CTNNBIP1: variants seen among roughly 807,000 people sequenced by gnomAD.
The protein encoded by CTNNBIP1 is catenin beta interacting protein 1, also known as beta-catenin-interacting protein 1.
In CTNNBIP1, 7 loss-of-function variants were observed where a neutral mutation model predicts 11.8. The ratio of observed to expected loss-of-function variants is 0.60; its 90% CI spans 0.34 to 1.12. CTNNBIP1 has a LOEUF of 1.12. CTNNBIP1 is among the 50% of genes most tolerant of loss of function. CTNNBIP1 has a pLI of 0.03. For missense variants in CTNNBIP1, 101 were observed against 113.4 expected (o/e 0.89, Z 0.50); for synonymous variants, 58 against 43.9 (o/e 1.32, Z -1.26).
chr1:9,854,682 A>AT (rs1295023231), intron 5 of CTNNBIP1, among the ~76,000 whole-genome samples: 2,690 of 148,006 alleles, frequency 0.018, 61 homozygotes, highest in African/African-American at 0.058. Context: ...CTAAAAAAAA[A>AT]TTTTTTTTTT....
At chr1:9,878,041 G>C (rs960440017) in intron 2 of CTNNBIP1, 52 bp from the exon 3 acceptor site, 3 of 152,756 alleles carry the variant, frequency 2.0e-5, no homozygotes, top group Non-Finnish European at 2.9e-5. Flanking sequence ...GGCCCAGGCA[G>C]CTGCCAGGGC....
At chr1:9,875,965 G>A (rs563636797) in intron 3 of CTNNBIP1, among the ~76,000 whole-genome samples, 6 of 152,212 alleles carry the variant, frequency 3.9e-5, no homozygotes, top group Non-Finnish European at 8.8e-5. Flanking sequence ...GTATATTAAA[G>A]TATGTCTCTG....
chr1:9,888,155 G>C (rs1639223075), intron 1 of CTNNBIP1, among the ~76,000 whole-genome samples: 1 of 152,008 alleles, frequency 6.6e-6, no homozygotes, highest in South Asian at 2.1e-4. Context: ...TATGGTCTGG[G>C]CACAGTGGCT....
In CTNNBIP1 at chr1:9,885,078, G is replaced by A. The variant is rs1486454716; in HGVS notation, c.-143-1340C>T. 2.0e-5 allele frequency among the ~76,000 whole-genome samples: 3 copies of A among 152,300 alleles called. No individual in the cohort carries two copies. The East Asian group carries it at 5.8e-4, about 29-fold the overall frequency. On this transcript the variant is annotated intron_variant, in intron 1 of 5. Coordinates refer to ENST00000377263, the MANE Select transcript of CTNNBIP1 (RefSeq NM_020248.3). ...CAGGCCCAGGGCCAGAGTAGAGGCC[G>A]TGGCAGGAATCCAGGCAGATCTGCT...
At chr1:9,878,892 C>T (rs560514428) in intron 2 of CTNNBIP1, among the ~76,000 whole-genome samples, 7 of 152,274 alleles carry the variant, frequency 4.6e-5, no homozygotes, top group East Asian at 1.9e-4. Context: ...TAGACAACCA[C>T]GTTCTGTAAA....
At chr1:9,856,513 C>CTT (rs149518763) in intron 5 of CTNNBIP1, among the ~76,000 whole-genome samples, 11 of 129,602 alleles carry the variant, frequency 8.5e-5, no homozygotes, top group African/African-American at 2.6e-4. Context: ...GTAAAAAATT[C>CTT]TTTTTTTTTT....
chr1:9,897,539 C>A (rs1410291807), intron 1 of CTNNBIP1, among the ~76,000 whole-genome samples: 1 of 152,100 alleles, frequency 6.6e-6, no homozygotes, highest in African/African-American at 2.4e-5. Flanking sequence ...GTAATCCCAG[C>A]TACTCAGGAG....
Position 9,849,263 on chromosome 1 carries a change from T to C in CTNNBIP1, c.*1455A>G. Reference sequence around the variant, plus strand: ...GGACTGCCATTCTGAACTGCAATTCTGGGCCTGAGTTTGGCTTAAGGGCCA... The same window carrying C: ...GGACTGCCATTCTGAACTGCAATTCCGGGCCTGAGTTTGGCTTAAGGGCCA... On this transcript the variant is annotated 3_prime_UTR_variant, in exon 6 of 6. Transcript: ENST00000377263. The C allele has an allele frequency of 6.6e-6, 1 of 152,628 alleles. No individual in the cohort carries two copies. The allele number at this position is 152,628 out of a possible 1,614,324, so 9.5% of individuals were successfully genotyped here.
intron 1 of CTNNBIP1, among the ~76,000 whole-genome samples, chr1:9,905,488 T>C (rs1570604352): frequency 1.3e-5 from 2 of 152,092 alleles, no homozygotes; most frequent in East Asian, 3.9e-4. Flanking sequence ...AGTGGCACGA[T>C]CTTGGCTCAC....
At chr1:9,888,233 C>T (rs1015197332) in intron 1 of CTNNBIP1, among the ~76,000 whole-genome samples, 2 of 151,904 alleles carry the variant, frequency 1.3e-5, no homozygotes, top group Admixed American at 6.6e-5. Flanking sequence ...GAGTTTGAGC[C>T]TGGGCAACAA....
At chr1:9,907,500 G>C (rs762953887) in intron 1 of CTNNBIP1, among the ~76,000 whole-genome samples, 1 of 152,202 alleles carries the variant, frequency 6.6e-6, no homozygotes, top group Admixed American at 6.5e-5. Flanking sequence ...CAAGTTTGTG[G>C]CCACTGAAAC....
chr1:9,885,995 T>A (rs1035826419), intron 1 of CTNNBIP1, among the ~76,000 whole-genome samples: 11 of 150,168 alleles, frequency 7.3e-5, no homozygotes, highest in Non-Finnish European at 1.6e-4. Context: ...AAAGGCTCAA[T>A]AAATTCTAGT....
At chr1:9,855,467 T>C (rs1324527139) in intron 5 of CTNNBIP1, among the ~76,000 whole-genome samples, 1 of 151,840 alleles carries the variant, frequency 6.6e-6, no homozygotes, top group Non-Finnish European at 1.5e-5. Flanking sequence ...AAAATGAGAG[T>C]TCAGAAATAA....
At chr1:9,899,603 C>T (rs543918039) in intron 1 of CTNNBIP1, among the ~76,000 whole-genome samples, 3 of 150,294 alleles carry the variant, frequency 2.0e-5, no homozygotes, top group South Asian at 4.2e-4. Context: ...TACTAAAATA[C>T]AAAAAATTAG....
In CTNNBIP1 at chr1:9,883,160, G is replaced by A. The variant is rs1639118497; in HGVS notation, c.-110+545C>T. Among the ~76,000 whole-genome samples the A allele has an allele frequency of 6.6e-6, 1 of 152,164 alleles. No homozygotes were observed. The highest frequency in any genetic ancestry group is 2.4e-5 in the African/African-American group (1 of 41,436). The stretch of plus-strand genomic sequence containing the variant: ...CAGGGACCGGGGGAGCCTCTCTCTG[G>A]AAGGAAGTCCAACCTGCCAAGCGGA... On this transcript the variant is annotated intron_variant, in intron 2 of 5. Coordinates refer to ENST00000377263, the MANE Select transcript of CTNNBIP1 (RefSeq NM_020248.3). This position sits in a 1 kb window ranked among gnomAD's most constrained non-coding sequence, Gnocchi z 5.6.
chr1:9,886,165 C>T (rs894567059), intron 1 of CTNNBIP1, among the ~76,000 whole-genome samples: 4 of 152,194 alleles, frequency 2.6e-5, no homozygotes. Flanking sequence ...CAGTCCCCAG[C>T]TGGCTCAGAG....
At chr1:9,866,768 C>A (rs1638756009) in intron 5 of CTNNBIP1, among the ~76,000 whole-genome samples, 1 of 151,690 alleles carries the variant, frequency 6.6e-6, no homozygotes, top group Admixed American at 6.6e-5. Context: ...GAGAGCAGAC[C>A]TGAGGGGGCA....
chr1:9,864,121 G>C (rs931005838), intron 5 of CTNNBIP1, among the ~76,000 whole-genome samples: 7 of 152,330 alleles, frequency 4.6e-5, no homozygotes, highest in Non-Finnish European at 1.0e-4. Context: ...TCCCTGGAAA[G>C]TGTCTTGGAG....
chr1:9,890,698 G>A (rs1190606178), intron 1 of CTNNBIP1, among the ~76,000 whole-genome samples: 1 of 152,186 alleles, frequency 6.6e-6, no homozygotes, highest in Non-Finnish European at 1.5e-5. Context: ...TGGGTATGAG[G>A]CCTCCCAGGC....
Sources: gnomAD v4.1 joint callset for allele counts (sites outside exome capture counted in the v4.1 genomes callset) on GRCh38, gnomAD v4.1.1 for gene constraint, Gnocchi (gnomAD v3.1) non-coding constraint, MANE v1.5 for transcripts, NCBI Gene and HGNC (gene_info 2026-07-23, HGNC 2026-07-21) for gene names.